Variants in ATP6V1H observed in about 807,000 individuals in gnomAD.
ATP6V1H encodes V-type proton ATPase subunit H.
A neutral mutation model predicts 71.7 loss-of-function variants in ATP6V1H; 39 were observed. The observed-to-expected ratio is 0.54, with a 90% CI of 0.42 to 0.71. The LOEUF (loss-of-function observed/expected upper bound fraction) is 0.71. Among genes scored for constraint, ATP6V1H ranks in the 30% least tolerant of loss-of-function variants. The pLI is 0.00. For synonymous variants in ATP6V1H, 192 were observed against 199.3 expected (o/e 0.96, Z 0.31); for missense variants, 509 against 594.9 (o/e 0.86, Z 1.50).
At position 53,810,792 on chromosome 8, in the gene ATP6V1H, C is replaced by T. The variant is rs148090276; in HGVS notation, c.579+372G>A. Among the ~76,000 whole-genome samples, 339 of 152,182 alleles carry T rather than the reference C, an allele frequency of 2.2e-3. 2 individuals carry two copies. The highest frequency in any genetic ancestry group is 7.9e-3 in the African/African-American group (327 of 41,530). On this transcript the variant is annotated intron_variant, in intron 7 of 13. Transcript: ENST00000359530. ...CTGAATTTCTTTCAAATGTTTGACG[C>T]TTTTGTTCACCTTTTGATTAGACAG...
At chr8:53,757,922 C>T (rs1808132043) in intron 11 of ATP6V1H, among the ~76,000 whole-genome samples, 1 of 152,130 alleles carries the variant, frequency 6.6e-6, no homozygotes, top group African/African-American at 2.4e-5. Context: ...AGTCTGATAA[C>T]ATGTATAAGT....
intron 7 of ATP6V1H, among the ~76,000 whole-genome samples, chr8:53,805,399 A>G (rs1292880488): frequency 6.6e-6 from 1 of 152,240 alleles, no homozygotes; most frequent in African/African-American, 2.4e-5. Flanking sequence ...TCTAAAAGTA[A>G]TTAATATGTT....
chr8:53,767,490 CA>C (rs1205344275), intron 11 of ATP6V1H, among the ~76,000 whole-genome samples: 1 of 151,896 alleles, frequency 6.6e-6, no homozygotes, highest in Non-Finnish European at 1.5e-5. Context: ...AAATATCTAC[CA>C]ATTAGAGACT....
intron 9 of ATP6V1H, among the ~76,000 whole-genome samples, chr8:53,789,812 A>G (rs1177977814): frequency 6.6e-6 from 1 of 152,212 alleles, no homozygotes; most frequent in Non-Finnish European, 1.5e-5. Context: ...ACATACAGAA[A>G]AGAACAGGTA....
chr8:53,784,014 T>C (rs1383151603), intron 9 of ATP6V1H, among the ~76,000 whole-genome samples: 1 of 152,230 alleles, frequency 6.6e-6, no homozygotes, highest in Non-Finnish European at 1.5e-5. Flanking sequence ...AGAAAGTATA[T>C]TCCGTTGATT....
chr8:53,761,023 C>T (rs1302605493), intron 11 of ATP6V1H, among the ~76,000 whole-genome samples: 2 of 152,052 alleles, frequency 1.3e-5, no homozygotes, highest in African/African-American at 4.8e-5. Flanking sequence ...TTCTCATCAT[C>T]ATATAAACAT....
Position 53,749,477 on chromosome 8 carries a change from C to T in ATP6V1H, c.1278-5787G>A, listed in dbSNP as rs1585743125. ...GACCCCACAGCTTACTTTGTTCACA[C>T]CCAGCTACCCAGAGCTGCCACCTCT... On this transcript the variant is annotated intron_variant, in intron 12 of 13. Coordinates refer to ENST00000359530, the MANE Select transcript of ATP6V1H (RefSeq NM_015941.4). Among the ~76,000 whole-genome samples, 3 of 152,142 alleles carry T rather than the reference C, an allele frequency of 2.0e-5. 1 individual carries two copies. Among genetic ancestry groups the T allele is most frequent in the South Asian group, 4.1e-4 (2 of 4,826 alleles).
rs750697673 is a variant in ATP6V1H, at chr8:53,833,024, G to A, written c.176C>T (p.Pro59Leu). Residue 59 changes from proline (P) to leucine (L), a missense_variant, in exon 3 of 14, where the codon CCT becomes CTT. Around this residue, in one of 2 missense-constraint regions of ATP6V1H, gnomAD observed 297 missense variants for 303.3 expected, o/e 0.98. Coordinates refer to ENST00000359530, the MANE Select transcript of ATP6V1H (RefSeq NM_015941.4). ...TTGAAGCATCTCTTGCTTCTCTTCA[G>A]GGCTTCGTTTCATTTCAAACCTCTG... ...FIQRFEMKRS[P>L]EEKQEMLQTE... 29 of 1,613,558 alleles carry A rather than the reference G, an allele frequency of 1.8e-5. 1 individual carries two copies. The East Asian group carries it at 6.0e-4, about 33-fold the overall frequency.
chr8:53,829,504 A>G lies in ATP6V1H; in HGVS notation c.246T>C (p.Thr82=). Residue 82 remains threonine, a synonymous_variant, in exon 4 of 14, where the codon ACT becomes ACC. Coordinates refer to ENST00000359530, the MANE Select transcript of ATP6V1H (RefSeq NM_015941.4). ...GAACGGTCTGTTCTTTGCAGATATG[A>G]GTCATCAGATTTATAAATGTTTTAG... ...QCAKTFINLM[T]HICKEQTVQY... is the part of the protein sequence containing the mutation. 6.3e-7 allele frequency: 1 copy of G among 1,596,160 alleles called. No homozygotes were observed. The highest frequency in any genetic ancestry group is 8.5e-7 in the Non-Finnish European group (1 of 1,173,472).
At chr8:53,755,728 ATATATATATATATATATTTTTTTTTTTTT>A (rs1808020611) in intron 12 of ATP6V1H, among the ~76,000 whole-genome samples, 1 of 5,896 alleles carries the variant, frequency 1.7e-4, no homozygotes, top group African/African-American at 1.3e-3. Context: ...ATATATATAT[ATATATATATATATATATTTTTTTTTTTTT>A]TTTTTTTTTT....
intron 9 of ATP6V1H, among the ~76,000 whole-genome samples, chr8:53,785,229 G>T (rs912831979): frequency 1.3e-4 from 20 of 152,116 alleles, no homozygotes; most frequent in Admixed American, 6.5e-4. Flanking sequence ...TGGAGGCTTT[G>T]TTCATTTCTT....
intron 9 of ATP6V1H, among the ~76,000 whole-genome samples, chr8:53,775,694 G>A (rs1193613652): frequency 6.6e-6 from 1 of 152,222 alleles, no homozygotes; most frequent in Non-Finnish European, 1.5e-5. Flanking sequence ...GGCCCCACCA[G>A]AGCAGCTAGA....
At chr8:53,827,303 A>C (rs1810854507) in intron 4 of ATP6V1H, among the ~76,000 whole-genome samples, 2 of 152,016 alleles carry the variant, frequency 1.3e-5, no homozygotes, top group African/African-American at 4.8e-5. Flanking sequence ...GAATCACTTG[A>C]ACCCAGGGGG....
At chr8:53,752,409 T>G (rs1807828125) in intron 12 of ATP6V1H, among the ~76,000 whole-genome samples, 1 of 152,218 alleles carries the variant, frequency 6.6e-6, no homozygotes, top group Non-Finnish European at 1.5e-5. Flanking sequence ...CTGTGAGAAA[T>G]CCGCATATAA....
intron 9 of ATP6V1H, among the ~76,000 whole-genome samples, chr8:53,791,748 C>T (rs1273475496): frequency 6.6e-6 from 1 of 152,212 alleles, no homozygotes; most frequent in African/African-American, 2.4e-5. Flanking sequence ...GGCTGTCCGC[C>T]TCTCTTCTAC....
At chr8:53,797,834 A>G (rs1809791623) in intron 8 of ATP6V1H, among the ~76,000 whole-genome samples, 1 of 152,138 alleles carries the variant, frequency 6.6e-6, no homozygotes, top group Non-Finnish European at 1.5e-5. Flanking sequence ...CCCCATCTCT[A>G]TCAAAAAAAC....
At chr8:53,786,404 G>A (rs1809385134) in intron 9 of ATP6V1H, among the ~76,000 whole-genome samples, 1 of 152,182 alleles carries the variant, frequency 6.6e-6, no homozygotes, top group Non-Finnish European at 1.5e-5. Flanking sequence ...GTATTAGGGT[G>A]GGAGTGACCC....
Position 53,833,069 on chromosome 8 carries a change from G to A in ATP6V1H, c.131C>T (p.Ala44Val), listed in dbSNP as rs1432560536. The change falls in exon 3 of 14, where the codon GCT (alanine) becomes GTT (valine). Residue 44 changes from alanine (A) to valine (V), a missense_variant. Coordinates refer to ENST00000359530, the MANE Select transcript of ATP6V1H (RefSeq NM_015941.4). ...CCTCTGAATAAACTCACAATCTTCA[G>A]CAGAAATCATCTGTCCCCTAGAAAG... Reference protein sequence around the residue: ...QSYLQGQMISAEDCEFIQRFE... With the variant: ...QSYLQGQMISVEDCEFIQRFE... The A allele has an allele frequency of 1.2e-6, 2 of 1,613,060 alleles. No homozygotes were observed. Among genetic ancestry groups the A allele is most frequent in the East Asian group, 4.5e-5 (2 of 44,846 alleles).
At chr8:53,839,710 C>A (rs1037971493) in intron 2 of ATP6V1H, 5 of 985,304 alleles carry the variant, frequency 5.1e-6, no homozygotes, top group South Asian at 4.7e-5. Context: ...GTTTCCAACA[C>A]CTACAGCTCC....
Sources: allele counts gnomAD v4.1 joint callset (sites outside exome capture counted in the v4.1 genomes callset), GRCh38; gene constraint gnomAD v4.1.1; regional missense constraint gnomAD v4.1.1; transcripts MANE v1.5; gene names NCBI Gene and HGNC (gene_info 2026-07-23, HGNC 2026-07-21).